The following CEP57 variants were observed in gnomAD, a reference collection of about 807,000 sequenced individuals.
CEP57 encodes centrosomal protein 57.
In CEP57, 40 loss-of-function variants were observed where a neutral mutation model predicts 68.0. The observed-to-expected ratio is 0.59, with a 90% CI of 0.46 to 0.77. The LOEUF is 0.77. Among genes scored for constraint, CEP57 ranks in the 30% least tolerant of loss-of-function variants. The pLI, the probability that CEP57 is intolerant of heterozygous loss-of-function variation, is 0.00. For synonymous variants in CEP57, 219 were observed against 198.7 expected (o/e 1.10, Z -0.86); for missense variants, 606 against 580.7 (o/e 1.04, Z -0.45).
chr11:95,817,947 T>G lies in CEP57; in HGVS notation c.621+44T>G, dbSNP rs1038310982. 6 of 1,158,026 alleles carry G rather than the reference T, an allele frequency of 5.2e-6. No homozygotes were observed. In the African/African-American group the frequency reaches 7.7e-5, roughly 15 times the overall value. 71.7% of individuals were successfully genotyped at this position (1,158,026 alleles called of 1,614,324 possible). On this transcript the variant is annotated intron_variant, in intron 5 of 10. Coordinates refer to ENST00000325542, the MANE Select transcript of CEP57 (RefSeq NM_014679.5). ...TTATTGTTAACATATATCAGGGTGGTTTTTTTTTAATGTTAATTATTTTAC... is the reference window on the plus strand; with the variant it reads ...TTATTGTTAACATATATCAGGGTGGGTTTTTTTTAATGTTAATTATTTTAC...
At position 95,790,853 on chromosome 11, in the gene CEP57, C is replaced by A. The variant is rs1861007335; in HGVS notation, c.45+110C>A. 4 of 1,286,646 alleles carry A rather than the reference C, an allele frequency of 3.1e-6. 1 individual carries two copies. The South Asian group carries it at 3.8e-5, about 12-fold the overall frequency. 79.7% of individuals were successfully genotyped at this position (1,286,646 alleles called of 1,614,324 possible). A position where few individuals can be genotyped will look rare whatever the true frequency, so the allele number is the denominator to read the frequency against. ...CAGCTTCTGACGCAATTCTGGAGGT[C>A]GGCGGGAATGCCTAGATTGCCCCGC... On this transcript the variant is annotated intron_variant, in intron 1 of 10. Transcript: ENST00000325542.
chr11:95,809,721 C>CA (rs896469821), intron 2 of CEP57, among the ~76,000 whole-genome samples: 146 of 152,142 alleles, frequency 9.6e-4, no homozygotes, highest in African/African-American at 3.3e-3. Context: ...GCCTGCCAAC[C>CA]AAAAAAAGTC....
At chr11:95,816,162 G>A (rs1279994113) in intron 4 of CEP57, among the ~76,000 whole-genome samples, 1 of 152,122 alleles carries the variant, frequency 6.6e-6, no homozygotes, top group Admixed American at 6.5e-5. Flanking sequence ...AACACTTATG[G>A]TGGAAGGGGA....
intron 4 of CEP57, 42 bp downstream of exon 4, chr11:95,813,631 T>C (rs1185917510): frequency 6.2e-6 from 10 of 1,608,722 alleles, no homozygotes; most frequent in Admixed American, 5.0e-5. Context: ...AGAACAGTTA[T>C]GGGGAAAACT....
intron 2 of CEP57, among the ~76,000 whole-genome samples, chr11:95,807,800 A>G (rs942001559): frequency 6.6e-6 from 1 of 152,242 alleles, no homozygotes; most frequent in African/African-American, 2.4e-5. Context: ...ACTCTTCAGG[A>G]TATTATCCAG....
chr11:95,797,162 C>T (rs1861385343), intron 1 of CEP57, among the ~76,000 whole-genome samples: 1 of 118,860 alleles, frequency 8.4e-6, no homozygotes, highest in Admixed American at 9.1e-5. Flanking sequence ...CCCACCCCAC[C>T]CCCCTCCCAA....
intron 1 of CEP57, among the ~76,000 whole-genome samples, chr11:95,793,752 G>A (rs1168962400): frequency 6.6e-6 from 1 of 152,210 alleles, no homozygotes; most frequent in Non-Finnish European, 1.5e-5. Flanking sequence ...GGCACAGAGA[G>A]GTTGAGTCAA....
intron 6 of CEP57, among the ~76,000 whole-genome samples, chr11:95,821,621 A>G: frequency 6.6e-6 from 1 of 152,028 alleles, no homozygotes; most frequent in East Asian, 1.9e-4. Flanking sequence ...CAAATACTGG[A>G]GATAATGTGT....
rs1451083384 is a variant in CEP57 at position 95,827,788 on chromosome 11, C to T, written c.888C>T (p.Ser296=). ...LGDMPFVAGK[S]TSPSHAVVAN... is the part of the protein sequence containing the mutation. ...TTTCATCATTTTTCTTCCTTTAGTC[C>T]ACAAGCCCTAGCCATGCCGTGGTAG... Residue 296 remains serine, a splice_region_variant and synonymous_variant, in exon 9 of 11, where the codon TCC becomes TCT. Coordinates refer to ENST00000325542, the MANE Select transcript of CEP57 (RefSeq NM_014679.5). The T allele has an allele frequency of 6.2e-7, 1 of 1,613,804 alleles. No individual in the cohort carries two copies. Among genetic ancestry groups the T allele is most frequent in the East Asian group, 2.2e-5 (1 of 44,866 alleles).
intron 2 of CEP57, among the ~76,000 whole-genome samples, chr11:95,811,360 C>G (rs1862052188): frequency 7.1e-6 from 1 of 140,808 alleles, no homozygotes; most frequent in African/African-American, 2.7e-5. Context: ...TGTTCTCACT[C>G]ATAGGTGGGA....
At chr11:95,825,147 A>G (rs1433989789) in intron 8 of CEP57, among the ~76,000 whole-genome samples, 2 of 152,186 alleles carry the variant, frequency 1.3e-5, no homozygotes, top group African/African-American at 2.4e-5. Flanking sequence ...TACATACACT[A>G]TAAAAAGGGT....
intron 2 of CEP57, among the ~76,000 whole-genome samples, chr11:95,805,387 G>A (rs1861755314): frequency 6.6e-6 from 1 of 152,066 alleles, no homozygotes; most frequent in South Asian, 2.1e-4. Context: ...CTGTGTGTGT[G>A]TCTGTTTCAT....
chr11:95,815,798 A>C (rs1046750205), intron 4 of CEP57, among the ~76,000 whole-genome samples: 7 of 152,090 alleles, frequency 4.6e-5, no homozygotes, highest in Non-Finnish European at 8.8e-5. Flanking sequence ...ACAATAAATA[A>C]ATAAAATCAC....
At chr11:95,804,447 G>A (rs1395270930) in intron 2 of CEP57, among the ~76,000 whole-genome samples, 1 of 152,190 alleles carries the variant, frequency 6.6e-6, no homozygotes, top group Non-Finnish European at 1.5e-5. Flanking sequence ...TACAGTAGCA[G>A]AGATGATGGA....
chr11:95,811,042 C>T (rs1237702102), intron 2 of CEP57, among the ~76,000 whole-genome samples: 2 of 152,180 alleles, frequency 1.3e-5, no homozygotes, highest in African/African-American at 2.4e-5. Flanking sequence ...CCTCAAGTAT[C>T]TAGAACTAGA....
chr11:95,816,934 C>G (rs1862319686), intron 4 of CEP57, among the ~76,000 whole-genome samples: 2 of 151,230 alleles, frequency 1.3e-5, no homozygotes, highest in Admixed American at 1.3e-4. Flanking sequence ...TTACTTGAAC[C>G]CAGGAGGCAG....
chr11:95,822,034 C>A, intron 7 of CEP57, 56 bp downstream of exon 7: 1 of 1,128,416 alleles, frequency 8.9e-7, no homozygotes, highest in South Asian at 1.3e-5. Context: ...TAGTTTATGT[C>A]AAAACACCCA....
At chr11:95,811,098 G>T (rs1862041394) in intron 2 of CEP57, among the ~76,000 whole-genome samples, 1 of 152,130 alleles carries the variant, frequency 6.6e-6, no homozygotes, top group South Asian at 2.1e-4. Context: ...TATACCCAAA[G>T]GATTATAAAT....
At chr11:95,829,722 C>T (rs895137218) in intron 10 of CEP57, among the ~76,000 whole-genome samples, 1 of 152,058 alleles carries the variant, frequency 6.6e-6, no homozygotes, top group Non-Finnish European at 1.5e-5. Context: ...TTTATATCAG[C>T]CAACAATGTA....
Sources: allele counts gnomAD v4.1 joint callset (sites outside exome capture counted in the v4.1 genomes callset), GRCh38; gene constraint gnomAD v4.1.1; transcripts MANE v1.5; gene names NCBI Gene and HGNC (gene_info 2026-07-23, HGNC 2026-07-21).